DMXL2: variants seen among roughly 807,000 people sequenced by gnomAD.
DMXL2 encodes the protein dmX-like protein 2.
DMXL2 carries 103 observed loss-of-function variants against 331.1 expected under a neutral mutation model. That is an observed-to-expected ratio of 0.31 (90% CI 0.27 to 0.37). DMXL2 has a LOEUF of 0.37. DMXL2 is among the 10% of genes least tolerant of loss of function. The probability of loss-of-function intolerance (pLI) is 1.00; values close to 1 mark genes in which losing one functional copy is unlikely to be tolerated. For synonymous variants in DMXL2, 1,281 were observed against 1,252.1 expected (o/e 1.02, Z -0.49); for missense variants, 3,171 against 3,642.9 (o/e 0.87, Z 3.33).
At chr15:51,535,555 CAT>C in intron 13 of DMXL2, 106 bp downstream of exon 13, 1 of 1,020,874 alleles carries the variant, frequency 9.8e-7, no homozygotes, top group African/African-American at 1.7e-5. Flanking sequence ...CAGCCCAGAA[CAT>C]ATACTTACTC....
At chr15:51,575,251 CTATT>C (rs1204947322) in intron 2 of DMXL2, among the ~76,000 whole-genome samples, 1 of 152,066 alleles carries the variant, frequency 6.6e-6, no homozygotes, top group Non-Finnish European at 1.5e-5. Context: ...TGTATGATTA[CTATT>C]TATCACCATG....
At chr15:51,472,595 G>A (rs1383592385) in intron 28 of DMXL2, among the ~76,000 whole-genome samples, 2 of 152,056 alleles carry the variant, frequency 1.3e-5, no homozygotes, top group Non-Finnish European at 2.9e-5. Context: ...ACCTATTCAG[G>A]ATATTTCATA....
intron 15 of DMXL2, among the ~76,000 whole-genome samples, chr15:51,511,533 A>G (rs9806598): frequency 0.5 from 75,498 of 151,956 alleles, 19,005 homozygotes; most frequent in Non-Finnish European, 0.52. Flanking sequence ...TAAAAAGTCA[A>G]GAAACAACAG....
At chr15:51,543,990 T>G (rs1194509790) in intron 8 of DMXL2, among the ~76,000 whole-genome samples, 2 of 152,216 alleles carry the variant, frequency 1.3e-5, no homozygotes, top group Non-Finnish European at 2.9e-5. Flanking sequence ...ATCACAAATA[T>G]CTACTTAAAA....
intron 13 of DMXL2, among the ~76,000 whole-genome samples, chr15:51,526,803 G>A (rs1192595956): frequency 6.6e-6 from 1 of 152,124 alleles, no homozygotes; most frequent in African/African-American, 2.4e-5. Context: ...AATTGATGAA[G>A]CAGAAGAAAT....
At chr15:51,458,879 G>C (rs898937844) in intron 34 of DMXL2, 84 bp from the exon 35 acceptor site, 1 of 1,168,616 alleles carries the variant, frequency 8.6e-7, no homozygotes. Flanking sequence ...TTAAATGTAG[G>C]ATAAGAAGAA....
rs79499423 is a variant in DMXL2, at chr15:51,521,557, G to A, written c.2437-4390C>T. Reference sequence around the variant, plus strand: ...TTGTTAAGGTTACAAGTCAACTTGTGGAATCAACAAAGCCTGGTATACTAT... The same window carrying A: ...TTGTTAAGGTTACAAGTCAACTTGTAGAATCAACAAAGCCTGGTATACTAT... On this transcript the variant is annotated intron_variant, in intron 13 of 43. Coordinates refer to ENST00000560891, the MANE Select transcript of DMXL2 (RefSeq NM_001378457.1). Among the ~76,000 whole-genome samples, 904 of 151,776 alleles carry A rather than the reference G, an allele frequency of 6.0e-3. 8 individuals carry two copies. Among genetic ancestry groups the A allele is most frequent in the African/African-American group, 0.021 (868 of 41,374 alleles).
chr15:51,476,570 T>G lies in DMXL2; in HGVS notation c.6964+19A>C. On this transcript the variant is annotated intron_variant, in intron 27 of 43. Coordinates refer to ENST00000560891, the MANE Select transcript of DMXL2 (RefSeq NM_001378457.1). ...TGCCAACTAGAAGATTTTTTTTTTT[T>G]AATCATTTAAATTCTCACCAGGCCA... 1.9e-6 allele frequency: 3 copies of G among 1,589,862 alleles called. No homozygotes were observed. Among genetic ancestry groups the G allele is most frequent in the Non-Finnish European group, 2.6e-6 (3 of 1,173,634 alleles).
chr15:51,481,276 C>T lies in DMXL2; in HGVS notation c.5830G>A (p.Gly1944Ser), dbSNP rs549693252. The change falls in exon 24 of 44, where the codon GGC becomes AGC. Residue 1944 changes from glycine to serine, a missense_variant. Physicochemically the swap from Gly to Ser is moderately conservative, Grantham distance 56. Around this residue, in one of 7 missense-constraint regions of DMXL2, gnomAD observed 244 missense variants for 251.4 expected, o/e 0.97. Coordinates refer to ENST00000560891, the MANE Select transcript of DMXL2 (RefSeq NM_001378457.1). ...VPSHSKALSD[G>S]NGSSGIEWSN... ...CATTCAATGCCAGAACTTCCATTGC[C>T]ATCACTCAGAGCTTTTGAATGTGAA... The T allele has an allele frequency of 1.2e-6, 2 of 1,613,484 alleles. No individual in the cohort carries two copies. Among genetic ancestry groups the T allele is most frequent in the Admixed American group, 1.7e-5 (1 of 59,960 alleles).
At chr15:51,460,034 A>G (rs1330821087) in intron 33 of DMXL2, 2 of 973,150 alleles carry the variant, frequency 2.1e-6, no homozygotes, top group Non-Finnish European at 2.4e-6. Flanking sequence ...GGGTTGATTT[A>G]AAATACAAAT....
chr15:51,595,445 T>C (rs2052726295), intron 1 of DMXL2, among the ~76,000 whole-genome samples: 1 of 152,182 alleles, frequency 6.6e-6, no homozygotes, highest in African/African-American at 2.4e-5. Flanking sequence ...TGGAAGAACA[T>C]TCCATGTTCA....
chr15:51,497,215 G>A (rs1025612713), intron 18 of DMXL2, among the ~76,000 whole-genome samples: 2 of 152,150 alleles, frequency 1.3e-5, no homozygotes, highest in Non-Finnish European at 2.9e-5. Flanking sequence ...AACCCTAGAA[G>A]GTCTCTAGTT....
chr15:51,458,733 C>A lies in DMXL2; in HGVS notation c.8052G>T (p.Met2684Ile), dbSNP rs776996655. The A allele has an allele frequency of 4.3e-6, 7 of 1,613,868 alleles. No individual in the cohort carries two copies. The highest frequency in any genetic ancestry group is 5.1e-6 in the Non-Finnish European group (6 of 1,179,936). ...KAKVIHKESD[M>I]IMAFSVNKAN... Reference sequence around the variant, plus strand: ...CCTTATTAACAGAAAATGCCATGATCATATCAGATTCCTTATGGATGACTT... The same window carrying A: ...CCTTATTAACAGAAAATGCCATGATAATATCAGATTCCTTATGGATGACTT... The change falls in exon 35 of 44, where the codon ATG (methionine) becomes ATT (isoleucine). Residue 2684 changes from methionine (M) to isoleucine (I), a missense_variant. Met to Ile is a conservative substitution (Grantham distance 10). This residue lies in a region of DMXL2 where 766 missense variants were observed against 940.5 expected (regional missense o/e 0.81). Transcript: ENST00000560891.
intron 13 of DMXL2, among the ~76,000 whole-genome samples, chr15:51,530,790 T>C (rs976748790): frequency 3.3e-5 from 5 of 151,944 alleles, no homozygotes; most frequent in African/African-American, 1.2e-4. Flanking sequence ...TCATTTACAA[T>C]AGCCATACAT....
chr15:51,551,592 C>T (rs938745701), intron 6 of DMXL2, among the ~76,000 whole-genome samples: 3 of 150,846 alleles, frequency 2.0e-5, no homozygotes, highest in African/African-American at 5.0e-5. Context: ...AAGGGCTTTC[C>T]AACCATTCTC....
chr15:51,453,904 G>C (rs2039384341), intron 40 of DMXL2, among the ~76,000 whole-genome samples: 1 of 152,098 alleles, frequency 6.6e-6, no homozygotes, highest in African/African-American at 2.4e-5. Context: ...TGTAAGAATA[G>C]GACATCAAAG....
At chr15:51,595,576 G>A (rs1397279424) in intron 1 of DMXL2, among the ~76,000 whole-genome samples, 1 of 152,148 alleles carries the variant, frequency 6.6e-6, no homozygotes, top group African/African-American at 2.4e-5. Flanking sequence ...CTACTTTAAA[G>A]TTCATATGGA....
At chr15:51,456,548 C>G (rs926601613) in intron 37 of DMXL2, among the ~76,000 whole-genome samples, 179 bp from the exon 38 acceptor site, 1 of 152,162 alleles carries the variant, frequency 6.6e-6, no homozygotes, top group Non-Finnish European at 1.5e-5. Flanking sequence ...TGAGGAAGCA[C>G]AGTCACTTGC....
rs950342372 is a variant in DMXL2 at position 51,519,104 on chromosome 15, A to G, written c.2437-1937T>C. ...TTAATGAGCCACACTGATACCATTA[A>G]TGTGCATCAAAACTGCACATATGTG... On this transcript the variant is annotated intron_variant, in intron 13 of 43. Coordinates refer to ENST00000560891, the MANE Select transcript of DMXL2 (RefSeq NM_001378457.1). Among the ~76,000 whole-genome samples the G allele has an allele frequency of 3.3e-5, 5 of 152,174 alleles. 1 individual carries two copies. Among genetic ancestry groups the G allele is most frequent in the African/African-American group, 1.2e-4 (5 of 41,434 alleles).
Sources: gnomAD v4.1 joint callset for allele counts (sites outside exome capture counted in the v4.1 genomes callset) on GRCh38, gnomAD v4.1.1 for gene constraint, gnomAD v4.1.1 regional missense constraint, MANE v1.5 for transcripts, NCBI Gene and HGNC (gene_info 2026-07-23, HGNC 2026-07-21) for gene names.